MAPK8: variants seen among roughly 807,000 people sequenced by gnomAD.
MAPK8 encodes the protein mitogen-activated protein kinase 8, also known as JUN N-terminal kinase.
A neutral mutation model predicts 52.9 loss-of-function variants in MAPK8; 13 were observed. The ratio of observed to expected loss-of-function variants is 0.25; its 90% CI spans 0.16 to 0.39. The LOEUF is 0.39. MAPK8 is among the 10% of genes least tolerant of loss of function. The probability of loss-of-function intolerance (pLI) is 1.00; values close to 1 mark genes in which losing one functional copy is unlikely to be tolerated. For synonymous variants in MAPK8, 191 were observed against 169.8 expected (o/e 1.12, Z -0.97); for missense variants, 300 against 519.2 (o/e 0.58, Z 4.10).
intron 1 of MAPK8, among the ~76,000 whole-genome samples, chr10:48,322,111 G>A (rs1843055279): frequency 6.6e-6 from 1 of 152,168 alleles, no homozygotes; most frequent in South Asian, 2.1e-4. Flanking sequence ...GTGAGTGTAT[G>A]AATTCCTTTT....
chr10:48,398,359 G>A (rs2041993497), intron 1 of MAPK8, among the ~76,000 whole-genome samples: 2 of 152,030 alleles, frequency 1.3e-5, no homozygotes, highest in Admixed American at 1.3e-4. Flanking sequence ...CCCATGAAAA[G>A]GTGCTCACCT....
At chr10:48,400,117 A>T (rs1367349267) in intron 1 of MAPK8, among the ~76,000 whole-genome samples, 1 of 152,214 alleles carries the variant, frequency 6.6e-6, no homozygotes. Flanking sequence ...CAATCCCTGT[A>T]TGTGAGCATT....
chr10:48,372,443 T>C (rs998660230), intron 1 of MAPK8, among the ~76,000 whole-genome samples: 2 of 152,028 alleles, frequency 1.3e-5, no homozygotes, highest in Admixed American at 1.3e-4. Flanking sequence ...AAGGAGCATA[T>C]TCTAACCCAA....
At chr10:48,346,370 G>A (rs1311624650) in intron 1 of MAPK8, among the ~76,000 whole-genome samples, 1 of 152,206 alleles carries the variant, frequency 6.6e-6, no homozygotes, top group Non-Finnish European at 1.5e-5. Context: ...ACATAGTGAG[G>A]TGTGACCAGA....
At chr10:48,343,311 A>G (rs999441574) in intron 1 of MAPK8, among the ~76,000 whole-genome samples, 1 of 151,054 alleles carries the variant, frequency 6.6e-6, no homozygotes, top group African/African-American at 2.4e-5. Flanking sequence ...TCTCCACATC[A>G]CTCCAGTTAC....
intron 1 of MAPK8, among the ~76,000 whole-genome samples, chr10:48,342,718 A>T (rs1205656938): frequency 6.6e-6 from 1 of 152,188 alleles, no homozygotes. Context: ...GTAATGGAAT[A>T]CATGTTTCTA....
chr10:48,364,120 T>TA (rs1412135899), intron 1 of MAPK8, among the ~76,000 whole-genome samples: 16 of 152,206 alleles, frequency 1.1e-4, no homozygotes, highest in African/African-American at 3.9e-4. Flanking sequence ...CACACGGGGC[T>TA]ATTTGCTTCA....
rs929621779 is a variant in MAPK8 at position 48,437,829 on chromosome 10, C to A, written c.*2800C>A. The A allele has an allele frequency of 6.6e-6, 1 of 152,244 alleles. No homozygotes were observed. Among genetic ancestry groups the A allele is most frequent in the Admixed American group, 6.5e-5 (1 of 15,278 alleles). 9.4% of individuals were successfully genotyped at this position (152,244 alleles called of 1,614,324 possible). On this transcript the variant is annotated 3_prime_UTR_variant, in exon 12 of 12. Transcript: ENST00000374189. Reference sequence around the variant, plus strand: ...CCTACACACAACCCCCTTAACAATCCAAAGAAGCTTGATGGTGTGCAAAGA... The same window carrying A: ...CCTACACACAACCCCCTTAACAATCAAAAGAAGCTTGATGGTGTGCAAAGA...
At chr10:48,364,448 A>T (rs985427139) in intron 1 of MAPK8, among the ~76,000 whole-genome samples, 1 of 152,086 alleles carries the variant, frequency 6.6e-6, no homozygotes, top group Admixed American at 6.5e-5. Flanking sequence ...TAAAAAAAAA[A>T]ACTGAATTCT....
intron 2 of MAPK8, among the ~76,000 whole-genome samples, chr10:48,402,687 T>C (rs920367966): frequency 6.6e-6 from 1 of 152,218 alleles, no homozygotes; most frequent in African/African-American, 2.4e-5. Context: ...TCAGAATCTA[T>C]TCTAAACAAA....
At position 48,438,446 on chromosome 10, in the gene MAPK8, C is replaced by T. The variant is rs2045035298; in HGVS notation, c.*3417C>T. On this transcript the variant is annotated 3_prime_UTR_variant, in exon 12 of 12. Transcript: ENST00000374189. ...GTAAGGAAAACAGAAGTCCTAATTT[C>T]AAACTGACTGCTCTTCGTTAAGTGC... 6.6e-6 allele frequency: 1 copy of T among 152,220 alleles called. No homozygotes were observed. Among genetic ancestry groups the T allele is most frequent in the Non-Finnish European group, 1.5e-5 (1 of 68,024 alleles). The allele number at this position is 152,220 out of a possible 1,614,324, so 9.4% of individuals were successfully genotyped here.
At chr10:48,371,205 T>G (rs149932747) in intron 1 of MAPK8, among the ~76,000 whole-genome samples, 67 of 152,282 alleles carry the variant, frequency 4.4e-4, no homozygotes, top group African/African-American at 1.5e-3. Flanking sequence ...TAACTTTAAT[T>G]TGCTTTTTTA....
intron 5 of MAPK8, among the ~76,000 whole-genome samples, chr10:48,415,133 A>G (rs1014040564): frequency 2.0e-5 from 3 of 152,104 alleles, no homozygotes; most frequent in East Asian, 1.9e-4. Flanking sequence ...GTCTAATGCA[A>G]TCTTTAAATA....
chr10:48,339,784 C>G (rs1845060404), intron 1 of MAPK8, among the ~76,000 whole-genome samples: 1 of 151,780 alleles, frequency 6.6e-6, no homozygotes, highest in Admixed American at 6.6e-5. Context: ...ATACGAGTGG[C>G]GAAAAAAGGT....
intron 1 of MAPK8, among the ~76,000 whole-genome samples, chr10:48,355,882 A>G (rs1846871178): frequency 6.6e-6 from 1 of 152,234 alleles, no homozygotes; most frequent in Non-Finnish European, 1.5e-5. Context: ...GGGGAGGAAG[A>G]CAGATTTACC....
At chr10:48,314,467 G>A (rs1326852050) in intron 1 of MAPK8, among the ~76,000 whole-genome samples, 9 of 152,212 alleles carry the variant, frequency 5.9e-5, no homozygotes, top group Admixed American at 5.9e-4. Flanking sequence ...TATTTAGGTA[G>A]TTTTCAGACT....
In MAPK8 at chr10:48,370,470, G is replaced by A. The variant is rs79911387; in HGVS notation, c.-49-31142G>A. Among the ~76,000 whole-genome samples the A allele has an allele frequency of 6.4e-4, 97 of 152,248 alleles. 1 individual carries two copies. In the East Asian group the frequency reaches 0.017, roughly 27 times the overall value. On this transcript the variant is annotated intron_variant, in intron 1 of 11. Transcript: ENST00000374189. ...TTGAGAGTAAGATATTGACATGATG[G>A]TGGTCTGACTAATGGAACATGGAAT...
At chr10:48,431,519 G>T (rs547131698) in intron 11 of MAPK8, among the ~76,000 whole-genome samples, 1 of 152,206 alleles carries the variant, frequency 6.6e-6, no homozygotes, top group South Asian at 2.1e-4. Flanking sequence ...AAAACTTTTT[G>T]TTGGCATTGT....
In MAPK8 at chr10:48,336,350, G is replaced by A. The variant is rs189649371; in HGVS notation, c.-50+29529G>A. ...CAGATTTACACAAGAAAACAGCTACGTATTTATTAAGGAAATTAAATTTGC... is the reference window on the plus strand; with the variant it reads ...CAGATTTACACAAGAAAACAGCTACATATTTATTAAGGAAATTAAATTTGC... On this transcript the variant is annotated intron_variant, in intron 1 of 11. Coordinates refer to ENST00000374189, the MANE Select transcript of MAPK8 (RefSeq NM_001323329.2). 2.9e-3 allele frequency among the ~76,000 whole-genome samples: 438 copies of A among 152,128 alleles called. 6 individuals carry two copies. The highest frequency in any genetic ancestry group is 1.7e-3 in the Non-Finnish European group (117 of 67,990).
Sources: gnomAD v4.1 joint callset for allele counts (sites outside exome capture counted in the v4.1 genomes callset) on GRCh38, gnomAD v4.1.1 for gene constraint, MANE v1.5 for transcripts, NCBI Gene and HGNC (gene_info 2026-07-23, HGNC 2026-07-21) for gene names.